Variants in WBP2NL observed in about 807,000 individuals in gnomAD.
The protein encoded by WBP2NL is postacrosomal sheath WW domain-binding protein.
In WBP2NL, 27 loss-of-function variants were observed where a neutral mutation model predicts 23.3. The ratio of observed to expected loss-of-function variants is 1.16; its 90% confidence interval spans 0.85 to 1.60. The LOEUF (loss-of-function observed/expected upper bound fraction) is 1.60, where lower values mean the gene tolerates loss of function less well. Ranked by LOEUF, WBP2NL falls within the 40% of genes most tolerant of loss-of-function variation. WBP2NL has a pLI of 0.00. For missense variants in WBP2NL, 370 were observed against 389.5 expected, an observed-to-expected ratio of 0.95 and a Z score of 0.42; for synonymous variants, 151 against 145.9, an observed-to-expected ratio of 1.03 and a Z score of -0.25.
chr22:42,048,409 A>G (rs1477973224), intron 8 of WBP2NL, among the ~76,000 whole-genome samples: 2 of 151,404 alleles, frequency 1.3e-5, no homozygotes, highest in African/African-American at 4.9e-5. Flanking sequence ...GAAGAAAAAT[A>G]TATCAATAGA....
At chr22:42,049,757 GTC>G (rs1262545972) in intron 8 of WBP2NL, among the ~76,000 whole-genome samples, 5 of 140,004 alleles carry the variant, frequency 3.6e-5, no homozygotes, top group Non-Finnish European at 6.2e-5. Context: ...TTTCCAGTGA[GTC>G]TTTAGAAACA....
intron 1 of WBP2NL, among the ~76,000 whole-genome samples, chr22:42,012,319 TTTC>T (rs1922896971): frequency 6.6e-6 from 1 of 152,194 alleles, no homozygotes; most frequent in Admixed American, 6.5e-5. Flanking sequence ...ATTTGAGATC[TTTC>T]TTCTTTATTA....
chr22:42,053,350 T>C (rs1277680427), intron 8 of WBP2NL, among the ~76,000 whole-genome samples: 1 of 152,230 alleles, frequency 6.6e-6, no homozygotes, highest in African/African-American at 2.4e-5. Flanking sequence ...AGTGAATTGC[T>C]GGATCATATG....
In WBP2NL at chr22:42,019,856, A is replaced by G. The variant is rs1923719098; in HGVS notation, c.313+53A>G. On this transcript the variant is annotated intron_variant, in intron 3 of 5. Coordinates refer to ENST00000328823, the MANE Select transcript of WBP2NL (RefSeq NM_152613.3). ...TTTTTTTCCCTCAAAATCTTCTAAA[A>G]GGTTTAAGATTCAAACTTGGCTCAT... The G allele has an allele frequency of 1.9e-6, 3 of 1,608,282 alleles. No individual in the cohort carries two copies. In the Admixed American group the frequency reaches 5.1e-5, roughly 27 times the overall value.
intron 8 of WBP2NL, among the ~76,000 whole-genome samples, chr22:42,057,855 A>ATGTG (rs535970802): frequency 8.8e-6 from 1 of 113,106 alleles, no homozygotes; most frequent in African/African-American, 3.6e-5. Flanking sequence ...ATACACATAT[A>ATGTG]TGTGTGTGTG....
At chr22:42,005,788 C>T (rs1313364141) in intron 1 of WBP2NL, among the ~76,000 whole-genome samples, 1 of 152,162 alleles carries the variant, frequency 6.6e-6, no homozygotes, top group African/African-American at 2.4e-5. Context: ...TATGTGGGAT[C>T]AAGATCCTGA....
intron 1 of WBP2NL, among the ~76,000 whole-genome samples, chr22:42,013,974 G>T (rs1457522873): frequency 2.6e-5 from 4 of 152,030 alleles, no homozygotes; most frequent in Non-Finnish European, 5.9e-5. Context: ...TAGAGATGGG[G>T]TCTCACCATG....
In WBP2NL at chr22:42,027,567, G is replaced by T; in HGVS notation, c.*386G>T. 3.8e-6 allele frequency: 1 copy of T among 260,400 alleles called. No individual in the cohort carries two copies. Among genetic ancestry groups the T allele is most frequent in the Non-Finnish European group, 7.3e-6 (1 of 137,822 alleles). 16.1% of individuals were successfully genotyped at this position (260,400 alleles called of 1,614,324 possible). ...CTAAGATGCGTGCTAAAAACGTCATGTTGAACACTTAGTTGTTTGAGAAAG... is the reference window on the plus strand; with the variant it reads ...CTAAGATGCGTGCTAAAAACGTCATTTTGAACACTTAGTTGTTTGAGAAAG... On this transcript the variant is annotated 3_prime_UTR_variant, in exon 6 of 6. Transcript: ENST00000328823.
chr22:42,001,888 C>A, intron 1 of WBP2NL: 1 of 1,472,744 alleles, frequency 6.8e-7, no homozygotes. Context: ...TCGATGGGTG[C>A]TACCGCCATC....
intron 8 of WBP2NL, among the ~76,000 whole-genome samples, chr22:42,042,783 G>A (rs1925442210): frequency 6.6e-6 from 1 of 152,144 alleles, no homozygotes; most frequent in Non-Finnish European, 1.5e-5. Context: ...CATTGGCTGG[G>A]TATGGTGGCC....
At chr22:42,020,906 ATATTTTTTTTTTTTTT>A (rs1923908178) in intron 4 of WBP2NL, among the ~76,000 whole-genome samples, 2 of 21,146 alleles carry the variant, frequency 9.5e-5, no homozygotes, top group Non-Finnish European at 1.5e-4. Flanking sequence ...ATATATATAT[ATATTTTTTTTTTTTTT>A]TTTTTTTTTT....
intron 5 of WBP2NL, among the ~76,000 whole-genome samples, chr22:42,025,435 A>G (rs928609448): frequency 2.0e-5 from 3 of 152,242 alleles, no homozygotes; most frequent in Admixed American, 6.5e-5. Flanking sequence ...AGGGAAGCCA[A>G]AAGATTGGCC....
At chr22:42,052,857 G>C (rs1448976837) in intron 8 of WBP2NL, among the ~76,000 whole-genome samples, 1 of 152,118 alleles carries the variant, frequency 6.6e-6, no homozygotes, top group Non-Finnish European at 1.5e-5. Context: ...TAGGCTCTCT[G>C]TATACCTGAA....
chr22:42,030,210 G>T (rs1327980673), downstream of WBP2NL, among the ~76,000 whole-genome samples: 2 of 152,216 alleles, frequency 1.3e-5, no homozygotes, highest in African/African-American at 4.8e-5. Flanking sequence ...AGAATATTCA[G>T]TAAACATTTT....
At chr22:42,000,966 C>T in intron 1 of WBP2NL, 1 of 431,202 alleles carries the variant, frequency 2.3e-6, no homozygotes, top group Non-Finnish European at 4.2e-6. Flanking sequence ...GCACTCCACC[C>T]TGGGCAATAG....
chr22:42,006,681 A>G (rs1922284787), intron 1 of WBP2NL, among the ~76,000 whole-genome samples: 2 of 152,214 alleles, frequency 1.3e-5, no homozygotes, highest in South Asian at 4.1e-4. Context: ...AGCTTACTAA[A>G]GTGTCTTGAA....
chr22:42,032,890 T>G (rs557636063), downstream of WBP2NL: 13 of 215,330 alleles, frequency 6.0e-5, no homozygotes, highest in African/African-American at 3.0e-4. Context: ...TTTTAGTAAT[T>G]AGAATTTATT....
chr22:42,018,485 A>G (rs1351539633), intron 1 of WBP2NL, among the ~76,000 whole-genome samples: 2 of 151,974 alleles, frequency 1.3e-5, no homozygotes, highest in Non-Finnish European at 2.9e-5. Flanking sequence ...AGAAATAAGA[A>G]AAAGAGAAAG....
At chr22:42,032,400 C>T, downstream of WBP2NL, 1 of 165,030 alleles carries the variant, frequency 6.1e-6, no homozygotes. Context: ...CAGATTCTGC[C>T]CTCTCAGCTG....
Sources: allele counts gnomAD v4.1 joint callset (sites outside exome capture counted in the v4.1 genomes callset), GRCh38; gene constraint gnomAD v4.1.1; transcripts MANE v1.5; gene names NCBI Gene and HGNC (gene_info 2026-07-23, HGNC 2026-07-21).